Variants in KDM4A observed in about 807,000 individuals in gnomAD.
KDM4A encodes lysine-specific demethylase 4A.
Under a neutral mutation model 127.1 loss-of-function variants are expected in KDM4A, and 23 were observed. That is an observed-to-expected ratio of 0.18 (90% CI 0.13 to 0.26). The LOEUF (loss-of-function observed/expected upper bound fraction) is 0.26. Ranked by LOEUF, KDM4A falls within the 10% of genes least tolerant of loss-of-function variation. The pLI is 1.00. For synonymous variants in KDM4A, 443 were observed against 466.5 expected, an observed-to-expected ratio of 0.95 and a Z score of 0.65; for missense variants, 890 against 1,329.1, an observed-to-expected ratio of 0.67 and a Z score of 5.14.
Position 43,693,943 on chromosome 1 carries a change from C to T in KDM4A, c.2376-51C>T, listed in dbSNP as rs772455904. ...TGTCAGCAGGCCCAAAAGAGAAGGCCACAGAGCCTTGGGCCCAGAGGTGAC... is the reference window on the plus strand; with the variant it reads ...TGTCAGCAGGCCCAAAAGAGAAGGCTACAGAGCCTTGGGCCCAGAGGTGAC... On this transcript the variant is annotated intron_variant, in intron 16 of 21. Coordinates refer to ENST00000372396, the MANE Select transcript of KDM4A (RefSeq NM_014663.3). This position sits in a 1 kb window ranked among gnomAD's most constrained non-coding sequence, Gnocchi z 4.2. 6.6e-7 allele frequency: 1 copy of T among 1,510,658 alleles called. No homozygotes were observed. Among genetic ancestry groups the T allele is most frequent in the South Asian group, 1.1e-5 (1 of 88,620 alleles). The allele number at this position is 1,510,658 out of a possible 1,614,324, so 93.6% of individuals were successfully genotyped here. A position where few individuals can be genotyped will look rare whatever the true frequency, so the allele number is the denominator to read the frequency against.
chr1:43,683,937 AAG>A lies in KDM4A; in HGVS notation c.1855+138_1855+139del, dbSNP rs1660914567. 6.8e-5 allele frequency: 67 copies of A among 985,604 alleles called. 1 individual carries two copies. In the South Asian group the frequency reaches 1.1e-3, roughly 16 times the overall value. The allele number at this position is 985,604 out of a possible 1,614,324, so 61.1% of individuals were successfully genotyped here. A position where few individuals can be genotyped will look rare whatever the true frequency, so the allele number is the denominator to read the frequency against. On this transcript the variant is annotated intron_variant, in intron 12 of 21. Coordinates refer to ENST00000372396, the MANE Select transcript of KDM4A (RefSeq NM_014663.3). ...TAGCTGCTCTTCCAGATATTCCATA[AAG>A]AGAGGACCGGATTTCCTTATATCTA...
In KDM4A at chr1:43,704,770, TGTGTGTGTGTGTGTGCGTGCGTGC is replaced by T. The variant is rs2154049804; in HGVS notation, c.*404_*427del. On this transcript the variant is annotated 3_prime_UTR_variant, in exon 22 of 22. Transcript: ENST00000372396. ...CCCAACCCCTACTTTTGTATTTATA[TGTGTGTGTGTGTGTGCGTGCGTGC>T]GTGCGTGCGTGTATGTTTGGTCTGG... The T allele has an allele frequency of 5.2e-6, 1 of 192,192 alleles. No individual in the cohort carries two copies. The highest frequency in any genetic ancestry group is 1.4e-4 in the East Asian group (1 of 6,932). 11.9% of individuals were successfully genotyped at this position (192,192 alleles called of 1,614,324 possible).
chr1:43,703,683 G>A lies in KDM4A; in HGVS notation c.2908G>A (p.Gly970Ser), dbSNP rs1419427840. The A allele has an allele frequency of 3.1e-6, 5 of 1,614,054 alleles. No homozygotes were observed. Among genetic ancestry groups the A allele is most frequent in the Non-Finnish European group, 4.2e-6 (5 of 1,179,968 alleles). Residue 970 changes from glycine to serine, a missense_variant, in exon 20 of 22, where the codon GGC (glycine) becomes AGC (serine). By Grantham distance (56) the Gly-to-Ser change is moderately conservative. Transcript: ENST00000372396. ...GEVVQVRWTDGQVYGAKFVAS... is the reference protein window; with the variant it reads ...GEVVQVRWTDSQVYGAKFVAS... The stretch of plus-strand genomic sequence containing the variant: ...AGTGGTCCAAGTGAGATGGACAGAC[G>A]GCCAAGTCTATGGAGCCAAGTTTGT...
chr1:43,660,902 T>C (rs139741034), intron 4 of KDM4A, among the ~76,000 whole-genome samples: 345 of 152,308 alleles, frequency 2.3e-3, no homozygotes, highest in African/African-American at 7.9e-3. Flanking sequence ...GGGAGAATAT[T>C]TGGGAATATC....
At chr1:43,687,152 C>T (rs570088670) in intron 12 of KDM4A, among the ~76,000 whole-genome samples, 6 of 152,174 alleles carry the variant, frequency 3.9e-5, no homozygotes, top group South Asian at 2.1e-4. Context: ...TACAACTGAA[C>T]GATGGGGCAT....
At chr1:43,660,871 C>G (rs1385343942) in intron 4 of KDM4A, among the ~76,000 whole-genome samples, 1 of 152,124 alleles carries the variant, frequency 6.6e-6, no homozygotes, top group African/African-American at 2.4e-5. Context: ...GCTTGAAATC[C>G]TGCCTTAAAT....
rs527839176 is a variant in KDM4A at position 43,681,130 on chromosome 1, C to T, written c.1735-2554C>T. Among the ~76,000 whole-genome samples the T allele has an allele frequency of 9.7e-4, 147 of 152,206 alleles. 1 individual carries two copies. In the Middle Eastern group the frequency reaches 0.014, roughly 14 times the overall value. Reference sequence around the variant, plus strand: ...CCTTAGTTTCTTATTCTTTGTCCACCGGAACTTATCTCAAAAAACAGTCCT... The same window carrying T: ...CCTTAGTTTCTTATTCTTTGTCCACTGGAACTTATCTCAAAAAACAGTCCT... On this transcript the variant is annotated intron_variant, in intron 11 of 21. Coordinates refer to ENST00000372396, the MANE Select transcript of KDM4A (RefSeq NM_014663.3).
chr1:43,670,690 A>G (rs1012072874), intron 10 of KDM4A, among the ~76,000 whole-genome samples: 1 of 151,440 alleles, frequency 6.6e-6, no homozygotes, highest in Non-Finnish European at 1.5e-5. Flanking sequence ...CAGCCTCCCA[A>G]GTAGCTGGGA....
chr1:43,690,809 T>C (rs777673779), intron 13 of KDM4A, 36 bp from the exon 14 acceptor site: 4 of 1,592,130 alleles, frequency 2.5e-6, no homozygotes, highest in Admixed American at 3.3e-5. Context: ...CATAGGCACG[T>C]GCTCACTGAG....
At chr1:43,668,152 G>A in intron 9 of KDM4A, 133 bp downstream of exon 9, 1 of 1,219,758 alleles carries the variant, frequency 8.2e-7, no homozygotes, top group Admixed American at 2.1e-5. Context: ...TTTTGATGGA[G>A]TCTCGCTCTG....
chr1:43,700,172 C>T (rs940174845), intron 19 of KDM4A: 2 of 152,062 alleles, frequency 1.3e-5, no homozygotes, highest in African/African-American at 4.8e-5. Flanking sequence ...CAGTCACCCA[C>T]GTTGGAGTGC....
At position 43,689,008 on chromosome 1, in the gene KDM4A, C is replaced by T; in HGVS notation, c.1950C>T (p.Asn650=). 6.2e-7 allele frequency: 1 copy of T among 1,614,242 alleles called. No homozygotes were observed. The highest frequency in any genetic ancestry group is 8.5e-7 in the Non-Finnish European group (1 of 1,180,044). The change falls in exon 13 of 22, where the codon AAC becomes AAT. Residue 650 remains asparagine, a synonymous_variant. Coordinates refer to ENST00000372396, the MANE Select transcript of KDM4A (RefSeq NM_014663.3). ...AACTGTGGCAGAACCGACCTCCAAA[C>T]TTTGAGGCTGAGAAGGAATTCAATG... ...LSQLWQNRPP[N]FEAEKEFNET...
chr1:43,655,620 A>G lies in KDM4A; in HGVS notation c.168A>G (p.Arg56=). 1 of 1,611,662 alleles carries G rather than the reference A, an allele frequency of 6.2e-7. No homozygotes were observed. Among genetic ancestry groups the G allele is most frequent in the Non-Finnish European group, 8.5e-7 (1 of 1,179,410 alleles). ...KVVPPKEWKP[R]ASYDDIDDLV... is the part of the protein sequence containing the mutation. ...TTCCTCCAAAAGAGTGGAAGCCACG[A>G]GCATCCTATGATGACATTGATGATT... The change falls in exon 3 of 22, where the codon CGA becomes CGG. Residue 56 remains arginine (R), a synonymous_variant. Transcript: ENST00000372396.
At chr1:43,700,085 A>G (rs931106472) in intron 19 of KDM4A, 1 of 152,056 alleles carries the variant, frequency 6.6e-6, no homozygotes, top group Non-Finnish European at 1.5e-5. Flanking sequence ...CAAGTATAGG[A>G]AGAAAATTCA....
At chr1:43,698,072 G>C in intron 19 of KDM4A, 59 bp downstream of exon 19, 1 of 1,555,762 alleles carries the variant, frequency 6.4e-7, no homozygotes, top group Non-Finnish European at 8.8e-7. Context: ...TCTAAGGTCT[G>C]GCTGGCAGAC....
intron 3 of KDM4A, 58 bp from the exon 4 acceptor site, chr1:43,660,240 C>T: frequency 6.4e-7 from 1 of 1,552,162 alleles, no homozygotes; most frequent in Non-Finnish European, 8.9e-7. Context: ...TTGTAATGTT[C>T]ATAATGCCTA....
At chr1:43,671,936 G>C in intron 11 of KDM4A, 61 bp downstream of exon 11, 1 of 1,497,800 alleles carries the variant, frequency 6.7e-7, no homozygotes, top group Non-Finnish European at 8.9e-7. Flanking sequence ...CCTGTCGGGA[G>C]GGGATCTGTG....
At chr1:43,702,049 G>A (rs1422939017) in intron 19 of KDM4A, 1 of 152,202 alleles carries the variant, frequency 6.6e-6, no homozygotes, top group Non-Finnish European at 1.5e-5. Flanking sequence ...ATAACAACTA[G>A]TAGAGCTTAG....
intron 2 of KDM4A, among the ~76,000 whole-genome samples, chr1:43,655,390 G>A (rs887355292): frequency 4.6e-5 from 7 of 152,216 alleles, no homozygotes; most frequent in Non-Finnish European, 8.8e-5. Flanking sequence ...TTAGGTTGCT[G>A]CAATTAGGCA....
Sources: allele counts gnomAD v4.1 joint callset (sites outside exome capture counted in the v4.1 genomes callset), GRCh38; gene constraint gnomAD v4.1.1; non-coding constraint Gnocchi (gnomAD v3.1); transcripts MANE v1.5; gene names NCBI Gene and HGNC (gene_info 2026-07-23, HGNC 2026-07-21).